The following PM20D2 variants were observed in gnomAD, a reference collection of about 807,000 sequenced individuals.
PM20D2 encodes the protein xaa-Arg dipeptidase.
Under a neutral mutation model 42.9 loss-of-function variants are expected in PM20D2, and 33 were observed. The ratio of observed to expected loss-of-function variants is 0.77; its 90% CI spans 0.58 to 1.03. The LOEUF (loss-of-function observed/expected upper bound fraction) is 1.03, where lower values mean the gene tolerates loss of function less well. Among genes scored for constraint, PM20D2 ranks in the 50% least tolerant of loss-of-function variants. PM20D2 has a pLI of 0.00. For missense variants in PM20D2, 548 were observed against 557.0 expected (o/e 0.98, Z 0.16); for synonymous variants, 250 against 228.2 (o/e 1.10, Z -0.86).
the PM20D2 span, among the ~76,000 whole-genome samples, chr6:89,135,146 T>G: frequency 6.8e-4 from 103 of 151,190 alleles, 3 homozygotes; most frequent in Non-Finnish European, 1.2e-3. Flanking sequence ...AAATGGTCAT[T>G]TAAAATCTTA....
In PM20D2 at chr6:89,146,135, C is replaced by T. The variant is rs751099917; in HGVS notation, c.-10C>T. 1.6e-5 allele frequency: 24 copies of T among 1,467,114 alleles called. No individual in the cohort carries two copies. The South Asian group carries it at 3.0e-4, about 18-fold the overall frequency. The allele number at this position is 1,467,114 out of a possible 1,614,324, so 90.9% of individuals were successfully genotyped here. A position where few individuals can be genotyped will look rare whatever the true frequency, so the allele number is the denominator to read the frequency against. On this transcript the variant is annotated 5_prime_UTR_variant, in exon 1 of 7. Coordinates refer to ENST00000275072, the MANE Select transcript of PM20D2 (RefSeq NM_001010853.3). Reference sequence around the variant, plus strand: ...GCGAGAGGGCGCAGAGGGCAGCGGGCTTGGGCAGCATGAGGCCCGGAGGGG... The same window carrying T: ...GCGAGAGGGCGCAGAGGGCAGCGGGTTTGGGCAGCATGAGGCCCGGAGGGG...
At chr6:89,113,144 T>C in the PM20D2 span, among the ~76,000 whole-genome samples, 1 of 152,124 alleles carries the variant, frequency 6.6e-6, no homozygotes, top group Non-Finnish European at 1.5e-5. Flanking sequence ...CATATATAAT[T>C]TTACATATGT....
In PM20D2 at chr6:89,149,336, T is replaced by C; in HGVS notation, c.537T>C (p.Phe179=). ...TTGATTTAATTGAAGCAGGGGCTTT[T>C]ACAAATCTTGATGTTGTTTTTATGG... ...GKIDLIEAGA[F]TNLDVVFMAH... is the part of the protein sequence containing the mutation. Residue 179 remains phenylalanine, a synonymous_variant, in exon 2 of 7, where the codon TTT becomes TTC. Coordinates refer to ENST00000275072, the MANE Select transcript of PM20D2 (RefSeq NM_001010853.3). 1 of 1,614,162 alleles carries C rather than the reference T, an allele frequency of 6.2e-7. No homozygotes were observed. The highest frequency in any genetic ancestry group is 8.5e-7 in the Non-Finnish European group (1 of 1,179,992).
At chr6:89,109,892 C>T in the PM20D2 span, among the ~76,000 whole-genome samples, 2 of 152,124 alleles carry the variant, frequency 1.3e-5, no homozygotes, top group African/African-American at 2.4e-5. Context: ...GAGATCGAGA[C>T]CATCTTGGCT....
chr6:89,105,430 T>G, the PM20D2 span: 10 of 1,602,458 alleles, frequency 6.2e-6, no homozygotes, highest in Non-Finnish European at 8.5e-6. Context: ...CACTTACTTT[T>G]GCGATCACCT....
the PM20D2 span, among the ~76,000 whole-genome samples, chr6:89,136,248 G>A: frequency 2.0e-5 from 3 of 151,142 alleles, no homozygotes; most frequent in Non-Finnish European, 4.4e-5. Context: ...TACTGACCAA[G>A]AGACGTCCTT....
chr6:89,110,150 A>C, the PM20D2 span, among the ~76,000 whole-genome samples: 101 of 152,222 alleles, frequency 6.6e-4, no homozygotes, highest in Non-Finnish European at 1.3e-3. Flanking sequence ...CAGTATTTTT[A>C]AAGAAATATT....
chr6:89,114,494 T>C, the PM20D2 span, among the ~76,000 whole-genome samples: 4 of 152,158 alleles, frequency 2.6e-5, no homozygotes, highest in Non-Finnish European at 4.4e-5. Flanking sequence ...TTAATATATG[T>C]AATGTTTTTA....
chr6:89,119,586 A>G, the PM20D2 span, among the ~76,000 whole-genome samples: 640 of 152,336 alleles, frequency 4.2e-3, 2 homozygotes, highest in Admixed American at 9.5e-3. Context: ...ACAAAGCACC[A>G]CAGATTTGGT....
chr6:89,104,583 C>T, the PM20D2 span, among the ~76,000 whole-genome samples: 1 of 150,064 alleles, frequency 6.7e-6, no homozygotes, highest in Admixed American at 6.6e-5. Context: ...TATATATTAT[C>T]TTCTCATGTA....
the PM20D2 span, among the ~76,000 whole-genome samples, chr6:89,131,809 C>T: frequency 6.6e-6 from 1 of 152,194 alleles, no homozygotes; most frequent in African/African-American, 2.4e-5. Flanking sequence ...AGTCCAATTC[C>T]TGCCACAGCC....
At chr6:89,114,889 C>T in the PM20D2 span, among the ~76,000 whole-genome samples, 6 of 151,346 alleles carry the variant, frequency 4.0e-5, no homozygotes, top group Non-Finnish European at 8.9e-5. Context: ...CTCCACCTCC[C>T]GGGTTCAAGC....
At chr6:89,094,060 A>C in the PM20D2 span, among the ~76,000 whole-genome samples, 1 of 151,518 alleles carries the variant, frequency 6.6e-6, no homozygotes, top group African/African-American at 2.4e-5. Context: ...GTCTGGGATT[A>C]CAAGTGCCCA....
chr6:89,118,347 C>A, the PM20D2 span, among the ~76,000 whole-genome samples: 1 of 152,186 alleles, frequency 6.6e-6, no homozygotes, highest in South Asian at 2.1e-4. Context: ...CAGTGAGAGC[C>A]GCTTTCAACC....
At chr6:89,098,099 A>C in the PM20D2 span, 2 of 152,946 alleles carry the variant, frequency 1.3e-5, no homozygotes, top group South Asian at 2.1e-4. Context: ...AATATGAACT[A>C]ATATCCACCA....
chr6:89,110,096 A>G, the PM20D2 span, among the ~76,000 whole-genome samples: 47 of 152,314 alleles, frequency 3.1e-4, no homozygotes, highest in South Asian at 9.7e-3. Flanking sequence ...GTCTCAAAAA[A>G]AAAAAATTAT....
chr6:89,124,093 G>A, the PM20D2 span, among the ~76,000 whole-genome samples: 1 of 152,182 alleles, frequency 6.6e-6, no homozygotes, highest in Admixed American at 6.5e-5. Context: ...ACTTTTGTCT[G>A]CGCAGGCTCC....
upstream of PM20D2, among the ~76,000 whole-genome samples, chr6:89,141,795 G>C (rs1770314925): frequency 1.3e-5 from 2 of 151,750 alleles, no homozygotes; most frequent in South Asian, 4.2e-4. Context: ...CAATAGTTTA[G>C]CCATTGTCCA....
chr6:89,142,110 C>T (rs1319809651), upstream of PM20D2, among the ~76,000 whole-genome samples: 2 of 151,804 alleles, frequency 1.3e-5, no homozygotes, highest in African/African-American at 4.8e-5. Context: ...GCATGAGCCA[C>T]CAAAACCAGC....
Sources: gnomAD v4.1 joint callset for allele counts (sites outside exome capture counted in the v4.1 genomes callset) on GRCh38, gnomAD v4.1.1 for gene constraint, MANE v1.5 for transcripts, NCBI Gene and HGNC (gene_info 2026-07-23, HGNC 2026-07-21) for gene names.